Variants in MIR2052HG observed in about 807,000 individuals in gnomAD.
MIR2052HG encodes MIR2052 host gene.
chr8:74,746,504 G>A (rs1809886847), intron 4 of MIR2052HG, among the ~76,000 whole-genome samples: 1 of 151,970 alleles, frequency 6.6e-6, no homozygotes, highest in Non-Finnish European at 1.5e-5. Flanking sequence ...ATAAGAAAGG[G>A]AGAATTAAAG....
chr8:74,631,388 T>A (rs796538689), intron 2 of MIR2052HG, among the ~76,000 whole-genome samples: 17 of 152,346 alleles, frequency 1.1e-4, no homozygotes, highest in African/African-American at 3.8e-4. Flanking sequence ...ATTTGAATAA[T>A]TAGTTCTATC....
chr8:74,757,513 A>G (rs1810016714), intron 5 of MIR2052HG: 1 of 152,370 alleles, frequency 6.6e-6, no homozygotes, highest in Non-Finnish European at 1.5e-5. Context: ...AATGTCTTGC[A>G]TGAATTATTT....
intron 2 of MIR2052HG, chr8:74,702,207 C>A: frequency 6.0e-6 from 1 of 167,080 alleles, no homozygotes; most frequent in Non-Finnish European, 1.3e-5. Flanking sequence ...ATTGAAAATG[C>A]AGATTGTCAA....
At chr8:74,702,574 G>T in intron 3 of MIR2052HG, 1 of 189,360 alleles carries the variant, frequency 5.3e-6, no homozygotes, top group Non-Finnish European at 1.2e-5. Context: ...AAGAGGAGGA[G>T]ATTTCACCAC....
chr8:74,615,091 G>A (rs930434224), intron 2 of MIR2052HG: 35 of 152,208 alleles, frequency 2.3e-4, no homozygotes, highest in African/African-American at 8.2e-4. Context: ...CTGCTCTCTA[G>A]CCTACTTCAT....
chr8:74,655,933 T>G (rs1808801711), intron 2 of MIR2052HG, among the ~76,000 whole-genome samples: 1 of 152,116 alleles, frequency 6.6e-6, no homozygotes, highest in Non-Finnish European at 1.5e-5. Context: ...CTGCCTAAGA[T>G]TATAGGAACC....
chr8:74,646,234 G>A (rs1808688967), intron 2 of MIR2052HG, among the ~76,000 whole-genome samples: 1 of 152,174 alleles, frequency 6.6e-6, no homozygotes, highest in African/African-American at 2.4e-5. Context: ...ATCCAGGGAA[G>A]ACTTCCTAGA....
At chr8:74,706,865 G>T (rs531191010) in intron 4 of MIR2052HG, among the ~76,000 whole-genome samples, 95 of 152,014 alleles carry the variant, frequency 6.2e-4, no homozygotes, top group Non-Finnish European at 7.6e-4. Flanking sequence ...TCTGCTTCTA[G>T]GCAGAAATGA....
At chr8:74,731,437 C>T (rs1809691472) in intron 4 of MIR2052HG, among the ~76,000 whole-genome samples, 1 of 152,124 alleles carries the variant, frequency 6.6e-6, no homozygotes, top group Admixed American at 6.6e-5. Context: ...TACCTAGGAA[C>T]TTGTGGAATG....
chr8:74,682,762 A>G (rs1478403893), intron 2 of MIR2052HG, among the ~76,000 whole-genome samples: 2 of 152,196 alleles, frequency 1.3e-5, no homozygotes, highest in Non-Finnish European at 2.9e-5. Flanking sequence ...ACTTCTTGAT[A>G]TATACACCCG....
chr8:74,742,342 T>C (rs925634222), intron 4 of MIR2052HG, among the ~76,000 whole-genome samples: 4 of 152,232 alleles, frequency 2.6e-5, no homozygotes, highest in African/African-American at 9.6e-5. Context: ...CTCTTCACAA[T>C]AGCTTACCTA....
intron 4 of MIR2052HG, among the ~76,000 whole-genome samples, chr8:74,746,437 C>A (rs1809886041): frequency 6.6e-6 from 1 of 152,078 alleles, no homozygotes; most frequent in African/African-American, 2.4e-5. Context: ...TGAGCACACC[C>A]TCAGTGAAGG....
At chr8:74,681,677 G>A (rs1173058700) in intron 2 of MIR2052HG, among the ~76,000 whole-genome samples, 1 of 152,106 alleles carries the variant, frequency 6.6e-6, no homozygotes, top group African/African-American at 2.4e-5. Context: ...AAAAGGACAA[G>A]TTTGGCCCCC....
intron 4 of MIR2052HG, among the ~76,000 whole-genome samples, chr8:74,725,296 G>A (rs1275981843): frequency 6.6e-6 from 1 of 152,212 alleles, no homozygotes; most frequent in African/African-American, 2.4e-5. Context: ...TATAAAGAAG[G>A]ATGGAGGACA....
At chr8:74,642,143 A>G (rs765194267) in intron 2 of MIR2052HG, among the ~76,000 whole-genome samples, 5 of 152,044 alleles carry the variant, frequency 3.3e-5, no homozygotes, top group Admixed American at 2.0e-4. Flanking sequence ...AGGTCATTAA[A>G]CTTGCTCAGG....
In MIR2052HG at chr8:74,680,607, T is replaced by G. The variant is rs1049983650; in HGVS notation, n.217-21772T>G. Among the ~76,000 whole-genome samples the G allele has an allele frequency of 1.6e-4, 24 of 152,282 alleles. 1 individual carries two copies. The highest frequency in any genetic ancestry group is 5.8e-4 in the African/African-American group (24 of 41,564). On this transcript the variant is annotated intron_variant and non_coding_transcript_variant, in intron 2 of 6. Transcript: ENST00000523442. ...TGGAGAAACAGGAACACTTTTACAC[T>G]GTTGGTGGGACTGTAAACTAGTTCA...
chr8:74,629,882 C>T (rs1241857909), intron 2 of MIR2052HG, among the ~76,000 whole-genome samples: 1 of 152,214 alleles, frequency 6.6e-6, no homozygotes, highest in African/African-American at 2.4e-5. Flanking sequence ...AGTCCACTCT[C>T]CTCTGCTGCA....
chr8:74,678,100 G>C (rs983148997), intron 2 of MIR2052HG, among the ~76,000 whole-genome samples: 3 of 152,136 alleles, frequency 2.0e-5, no homozygotes, highest in African/African-American at 7.2e-5. Context: ...AAAGTTGGCT[G>C]AAGAGATAAT....
chr8:74,751,999 C>A (rs1809951430), intron 4 of MIR2052HG, among the ~76,000 whole-genome samples: 1 of 151,814 alleles, frequency 6.6e-6, no homozygotes, highest in Non-Finnish European at 1.5e-5. Flanking sequence ...CTATTAAAAA[C>A]AGTCTAGGCA....
Sources: gnomAD v4.1 joint callset for allele counts (sites outside exome capture counted in the v4.1 genomes callset) on GRCh38, gnomAD v4.1.1 for gene constraint, MANE v1.5 for transcripts, NCBI Gene and HGNC (gene_info 2026-07-23, HGNC 2026-07-21) for gene names.